Variants in NUP62CL observed in about 807,000 individuals in gnomAD.
NUP62CL encodes nucleoporin-62 C-terminal-like protein.
Under a neutral mutation model 15.3 loss-of-function variants are expected in NUP62CL, and 13 were observed. That is an observed-to-expected ratio of 0.85 (90% confidence interval 0.55 to 1.35). NUP62CL has a LOEUF of 1.35. NUP62CL is among the 40% of genes most tolerant of loss of function. NUP62CL has a pLI of 0.00. For missense variants in NUP62CL, 123 were observed against 130.6 expected (o/e 0.94, Z 0.28); for synonymous variants, 54 against 49.2 (o/e 1.10, Z -0.41).
intron 2 of NUP62CL, among the ~76,000 whole-genome samples, chrX:107,192,147 C>A (rs1927259497): frequency 9.0e-6 from 1 of 111,678 alleles, no homozygotes; most frequent in African/African-American, 3.3e-5. Flanking sequence ...TGAGGGAAAA[C>A]TATATAATGA....
At chrX:107,140,524 C>G (rs1196521296) in intron 8 of NUP62CL, among the ~76,000 whole-genome samples, 4 of 111,182 alleles carry the variant, frequency 3.6e-5, no homozygotes, top group Non-Finnish European at 5.7e-5. Flanking sequence ...TTTCAAAATG[C>G]CCATATATAT....
intron 2 of NUP62CL, among the ~76,000 whole-genome samples, chrX:107,187,664 C>T (rs1927101337): frequency 8.9e-6 from 1 of 112,782 alleles, no homozygotes; most frequent in Admixed American, 9.3e-5. Flanking sequence ...TCCCAAAGTG[C>T]TGGGATTACA....
At chrX:107,179,026 C>T (rs1427462305) in intron 2 of NUP62CL, among the ~76,000 whole-genome samples, 3 of 106,934 alleles carry the variant, frequency 2.8e-5, no homozygotes, top group Admixed American at 1.0e-4. Context: ...AACCAGGAGG[C>T]GGAGGTTGCA....
intron 7 of NUP62CL, among the ~76,000 whole-genome samples, chrX:107,151,254 G>C (rs1364611218): frequency 9.0e-6 from 1 of 111,444 alleles, no homozygotes; most frequent in Non-Finnish European, 1.9e-5. Flanking sequence ...GTAGAGCAAA[G>C]GAATCCTTTA....
At chrX:107,142,138 T>C (rs1925784536) in intron 8 of NUP62CL, among the ~76,000 whole-genome samples, 1 of 110,506 alleles carries the variant, frequency 9.0e-6, no homozygotes, top group Non-Finnish European at 1.9e-5. Flanking sequence ...AAAAATCTAA[T>C]TAAAAGCAAT....
chrX:107,143,752 A>G (rs963795457), intron 8 of NUP62CL, among the ~76,000 whole-genome samples: 5 of 112,217 alleles, frequency 4.5e-5, no homozygotes, highest in African/African-American at 1.6e-4. Context: ...TACTTTTTCT[A>G]TAACGATTAT....
chrX:107,137,299 G>C (rs914221414), intron 8 of NUP62CL, among the ~76,000 whole-genome samples: 6 of 111,611 alleles, frequency 5.4e-5, no homozygotes, highest in African/African-American at 2.0e-4. Flanking sequence ...TAAGGTGAAA[G>C]ACTGAAGACT....
chrX:107,170,003 A>C (rs1453887502), intron 3 of NUP62CL, among the ~76,000 whole-genome samples: 1 of 110,444 alleles, frequency 9.1e-6, no homozygotes, highest in Non-Finnish European at 1.9e-5. Flanking sequence ...GGAGGTCAGG[A>C]GTTTGAGACG....
At chrX:107,144,637 C>T (rs190801321) in intron 8 of NUP62CL, among the ~76,000 whole-genome samples, 13 of 111,665 alleles carry the variant, frequency 1.2e-4, no homozygotes, top group African/African-American at 3.6e-4. Flanking sequence ...GAAAAATATG[C>T]GACAGGAAGA....
chrX:107,205,526 G>A (rs1156509045), intron 1 of NUP62CL, among the ~76,000 whole-genome samples: 9 of 110,955 alleles, frequency 8.1e-5, no homozygotes, highest in Non-Finnish European at 1.1e-4. Context: ...TGGTCGTTAA[G>A]AAATGCATGG....
chrX:107,198,860 C>T (rs191734993), intron 1 of NUP62CL, among the ~76,000 whole-genome samples: 1 of 112,489 alleles, frequency 8.9e-6, no homozygotes, highest in African/African-American at 3.2e-5. Flanking sequence ...CAAGAACCCA[C>T]CAGAAGGAAC....
At chrX:107,174,767 T>A (rs1481019317) in intron 3 of NUP62CL, among the ~76,000 whole-genome samples, 1 of 111,983 alleles carries the variant, frequency 8.9e-6, no homozygotes, top group East Asian at 2.8e-4. Flanking sequence ...AAGGACTTCT[T>A]CCCTTCAGAA....
At chrX:107,169,472 C>A (rs1926595995) in intron 3 of NUP62CL, among the ~76,000 whole-genome samples, 1 of 112,061 alleles carries the variant, frequency 8.9e-6, no homozygotes, top group Non-Finnish European at 1.9e-5. Flanking sequence ...CACAAGACTC[C>A]ATTTCCTTTT....
chrX:107,125,452 C>G (rs1925365689), intron 8 of NUP62CL, among the ~76,000 whole-genome samples: 1 of 110,566 alleles, frequency 9.0e-6, no homozygotes, highest in Non-Finnish European at 1.9e-5. Flanking sequence ...CTGTAATATA[C>G]TTTAATTTTC....
At chrX:107,177,160 A>T (rs1014197123) in intron 2 of NUP62CL, among the ~76,000 whole-genome samples, 2 of 112,053 alleles carry the variant, frequency 1.8e-5, no homozygotes, top group Non-Finnish European at 3.8e-5. Flanking sequence ...ACATTTCTCT[A>T]TTATAACAAT....
At position 107,181,752 on chromosome X, in the gene NUP62CL, C is replaced by A. The variant is rs759994296; in HGVS notation, c.-47-6559G>T. Among the ~76,000 whole-genome samples the A allele has an allele frequency of 2.7e-5, 3 of 111,761 alleles. No individual in the cohort carries two copies. In the East Asian group the frequency reaches 8.5e-4, roughly 31 times the overall value. On this transcript the variant is annotated intron_variant, in intron 2 of 8. Coordinates refer to ENST00000372466, the MANE Select transcript of NUP62CL (RefSeq NM_017681.3). ...GGTCTGAGCATTCAGTGGGTCTTTT[C>A]ATTTATTCACATCCTCTTTTACATT...
At chrX:107,153,598 G>A in intron 5 of NUP62CL, 95 bp from the exon 6 acceptor site, 1 of 531,451 alleles carries the variant, frequency 1.9e-6, no homozygotes, top group East Asian at 3.9e-5. Context: ...CTTCAAATAT[G>A]AAAGATTTCC....
At chrX:107,176,464 C>T (rs1926786283) in intron 2 of NUP62CL, among the ~76,000 whole-genome samples, 1 of 110,415 alleles carries the variant, frequency 9.1e-6, no homozygotes, top group Non-Finnish European at 1.9e-5. Flanking sequence ...TATGAAATGT[C>T]CAGAATAGAC....
chrX:107,142,144 GCAATACCCT>G (rs1925784859), intron 8 of NUP62CL, among the ~76,000 whole-genome samples: 1 of 110,480 alleles, frequency 9.1e-6, no homozygotes, highest in Non-Finnish European at 1.9e-5. Context: ...CTAATTAAAA[GCAATACCCT>G]CAGACAATAA....
Sources: gnomAD v4.1 joint callset for allele counts (sites outside exome capture counted in the v4.1 genomes callset) on GRCh38, gnomAD v4.1.1 for gene constraint, MANE v1.5 for transcripts, NCBI Gene and HGNC (gene_info 2026-07-23, HGNC 2026-07-21) for gene names.